The following ATRN variants were observed in gnomAD, a reference collection of about 807,000 sequenced individuals.
ATRN encodes attractin.
In ATRN, 54 loss-of-function variants were observed where a neutral mutation model predicts 178.7. The observed-to-expected ratio is 0.30, with a 90% CI of 0.24 to 0.38. The LOEUF (loss-of-function observed/expected upper bound fraction) is 0.38. Ranked by LOEUF, ATRN falls within the 10% of genes least tolerant of loss-of-function variation. The probability of loss-of-function intolerance (pLI) is 1.00; values close to 1 mark genes in which losing one functional copy is unlikely to be tolerated. For synonymous variants in ATRN, 636 were observed against 663.0 expected (o/e 0.96, Z 0.63); for missense variants, 1,443 against 1,815.1 (o/e 0.79, Z 3.73).
At chr20:3,540,911 TTAG>T (rs2085609903) in intron 3 of ATRN, among the ~76,000 whole-genome samples, 1 of 152,138 alleles carries the variant, frequency 6.6e-6, no homozygotes, top group Non-Finnish European at 1.5e-5. Flanking sequence ...TACATTTACA[TTAG>T]TAGTTAAACA....
At chr20:3,490,725 T>A (rs767572557) in intron 1 of ATRN, 31 of 795,302 alleles carry the variant, frequency 3.9e-5, no homozygotes, top group Non-Finnish European at 5.3e-5. Flanking sequence ...CTCATTTGGG[T>A]GCTTCTGGTG....
rs558360500 is a variant in ATRN at position 3,584,868 on chromosome 20, A to G, written c.3172A>G (p.Ile1058Val). 23 of 1,614,076 alleles carry G rather than the reference A, an allele frequency of 1.4e-5. No individual in the cohort carries two copies. The South Asian group carries it at 2.2e-4, about 15-fold the overall frequency. The change falls in exon 18 of 29, where the codon ATT becomes GTT. Residue 1058 changes from isoleucine to valine, a missense_variant. Transcript: ENST00000262919. ...LEDSRYNWSFIHCPACQCNGH... is the reference protein window; with the variant it reads ...LEDSRYNWSFVHCPACQCNGH... ...GGACAGCAGATACAACTGGTCTTTC[A>G]TTCACTGTCCAGGTAAGATGCCTTG...
intron 15 of ATRN, among the ~76,000 whole-genome samples, chr20:3,581,431 A>G (rs931858335): frequency 2.6e-5 from 4 of 152,358 alleles, no homozygotes; most frequent in South Asian, 2.1e-4. Flanking sequence ...TCACTGTCCT[A>G]TTATTCCCTA....
intron 1 of ATRN, among the ~76,000 whole-genome samples, chr20:3,534,412 G>A (rs981246041): frequency 6.6e-6 from 1 of 152,124 alleles, no homozygotes; most frequent in African/African-American, 2.4e-5. Context: ...ATAGTTAATG[G>A]TGAGGTTAAG....
intron 1 of ATRN, among the ~76,000 whole-genome samples, chr20:3,501,293 T>G (rs2084961157): frequency 6.6e-6 from 1 of 152,196 alleles, no homozygotes; most frequent in South Asian, 2.1e-4. Context: ...CTCATGGTAT[T>G]TTTTCTTTAT....
chr20:3,604,340 C>T (rs2086651408), intron 24 of ATRN, 78 bp downstream of exon 24: 13 of 1,459,762 alleles, frequency 8.9e-6, no homozygotes, highest in Admixed American at 4.5e-5. Context: ...TAATTTGGAG[C>T]TTGTGGTAAA....
intron 5 of ATRN, among the ~76,000 whole-genome samples, chr20:3,548,476 C>T (rs556368330): frequency 6.6e-6 from 1 of 151,940 alleles, no homozygotes; most frequent in East Asian, 1.9e-4. Flanking sequence ...TGGCAGGCAC[C>T]TGTAATCCCA....
intron 1 of ATRN, among the ~76,000 whole-genome samples, chr20:3,533,084 T>C (rs901058941): frequency 6.6e-6 from 1 of 152,198 alleles, no homozygotes; most frequent in Non-Finnish European, 1.5e-5. Context: ...CTCTTCATGG[T>C]GTGGGCTGCC....
intron 2 of ATRN, among the ~76,000 whole-genome samples, chr20:3,536,427 T>C (rs1323012566): frequency 1.3e-5 from 2 of 152,060 alleles, no homozygotes; most frequent in African/African-American, 2.4e-5. Context: ...GCCAGGCTGG[T>C]CTCGAACTCC....
At chr20:3,615,772 T>G in intron 24 of ATRN, 1 of 454,116 alleles carries the variant, frequency 2.2e-6, no homozygotes, top group Non-Finnish European at 4.4e-6. Context: ...CCCCCATCAT[T>G]CTCAGCAAAC....
chr20:3,597,452 A>G (rs763342090), intron 21 of ATRN, among the ~76,000 whole-genome samples: 1 of 152,196 alleles, frequency 6.6e-6, no homozygotes, highest in Non-Finnish European at 1.5e-5. Flanking sequence ...AGATTTTAAA[A>G]CCACAGTCAG....
intron 1 of ATRN, among the ~76,000 whole-genome samples, chr20:3,512,107 A>ATATATATTTTTTTTTTT: frequency 1.9e-5 from 2 of 106,392 alleles, no homozygotes; most frequent in African/African-American, 8.9e-5. Context: ...ATATATATAT[A>ATATATATTTTTTTTTTT]TTTTTTTTTT....
chr20:3,576,485 A>G (rs2146248892), intron 13 of ATRN, among the ~76,000 whole-genome samples: 1 of 152,188 alleles, frequency 6.6e-6, no homozygotes, highest in Non-Finnish European at 1.5e-5. Context: ...CAGTTCATAA[A>G]ATAGAAAACT....
intron 6 of ATRN, among the ~76,000 whole-genome samples, chr20:3,556,836 G>A (rs1353933872): frequency 2.6e-5 from 4 of 152,070 alleles, no homozygotes; most frequent in Non-Finnish European, 2.9e-5. Context: ...TGTTGTTTAA[G>A]TGTCTTCTGA....
At chr20:3,550,887 G>C (rs2081467846) in intron 6 of ATRN, among the ~76,000 whole-genome samples, 1 of 152,172 alleles carries the variant, frequency 6.6e-6, no homozygotes, top group African/African-American at 2.4e-5. Flanking sequence ...GCTCTTTCCA[G>C]ACTCTACCTC....
chr20:3,624,705 T>G lies in ATRN; in HGVS notation c.3863+133T>G, dbSNP rs1412757704. Reference sequence around the variant, plus strand: ...ACAGATTAAATTTACTTCATATGTGTTCCTGAAAAGTTAGATGTCAGTTAC... The same window carrying G: ...ACAGATTAAATTTACTTCATATGTGGTCCTGAAAAGTTAGATGTCAGTTAC... On this transcript the variant is annotated intron_variant, in intron 25 of 28. Coordinates refer to ENST00000262919, the MANE Select transcript of ATRN (RefSeq NM_139321.3). 7.9e-6 allele frequency: 6 copies of G among 762,658 alleles called. No individual in the cohort carries two copies. The Admixed American group carries it at 1.3e-4, about 17-fold the overall frequency. The allele number at this position is 762,658 out of a possible 1,614,324, so 47.2% of individuals were successfully genotyped here. A position where few individuals can be genotyped will look rare whatever the true frequency, so the allele number is the denominator to read the frequency against.
At chr20:3,493,703 T>G (rs2084839224) in intron 1 of ATRN, among the ~76,000 whole-genome samples, 1 of 152,200 alleles carries the variant, frequency 6.6e-6, no homozygotes, top group Admixed American at 6.5e-5. Context: ...CCTATTCATC[T>G]GAGGGGATAG....
chr20:3,497,037 T>G (rs898967495), intron 1 of ATRN, among the ~76,000 whole-genome samples: 1 of 151,894 alleles, frequency 6.6e-6, no homozygotes, highest in African/African-American at 2.4e-5. Flanking sequence ...CATCCTTTTA[T>G]TTTGAGCCTA....
rs1023485102 is a variant in ATRN, at chr20:3,498,526, A to G, written c.410+27009A>G. 3.1e-3 allele frequency among the ~76,000 whole-genome samples: 469 copies of G among 152,110 alleles called. 2 individuals carry two copies. Among genetic ancestry groups the G allele is most frequent in the Non-Finnish European group, 5.1e-3 (348 of 67,934 alleles). On this transcript the variant is annotated intron_variant, in intron 1 of 28. Coordinates refer to ENST00000262919, the MANE Select transcript of ATRN (RefSeq NM_139321.3). ...ATCCCTGGGATGCAAGGCTGGTTCA[A>G]TATACGCAAATCAATAAATGTAATC...
Sources: gnomAD v4.1 joint callset for allele counts (sites outside exome capture counted in the v4.1 genomes callset) on GRCh38, gnomAD v4.1.1 for gene constraint, MANE v1.5 for transcripts, NCBI Gene and HGNC (gene_info 2026-07-23, HGNC 2026-07-21) for gene names.